Variants in AVL9 observed in about 807,000 individuals in gnomAD.
The protein encoded by AVL9 is late secretory pathway protein AVL9 homolog.
In AVL9, 49 loss-of-function variants were observed where a neutral mutation model predicts 79.2. That is an observed-to-expected ratio of 0.62 (90% CI 0.49 to 0.79). The LOEUF (loss-of-function observed/expected upper bound fraction) is 0.79, where lower values mean the gene tolerates loss of function less well. Ranked by LOEUF, AVL9 falls within the 30% of genes least tolerant of loss-of-function variation. AVL9 has a pLI of 0.00. For synonymous variants in AVL9, 299 were observed against 280.6 expected (o/e 1.07, Z -0.65); for missense variants, 682 against 776.8 (o/e 0.88, Z 1.45).
At chr7:32,573,448 CTGTTT>C in intron 12 of AVL9, 30 bp downstream of exon 12, 1 of 1,556,438 alleles carries the variant, frequency 6.4e-7, no homozygotes, top group Non-Finnish European at 8.8e-7. Flanking sequence ...CTACAGCTAC[CTGTTT>C]TATTATAATT....
At chr7:32,576,791 GA>G (rs901705269) in intron 13 of AVL9, among the ~76,000 whole-genome samples, 5 of 148,492 alleles carry the variant, frequency 3.4e-5, no homozygotes, top group African/African-American at 7.4e-5. Flanking sequence ...TGTCTCAAAA[GA>G]AAAAAAAAAG....
chr7:32,569,812 A>G (rs1790745817), intron 10 of AVL9, among the ~76,000 whole-genome samples: 2 of 152,216 alleles, frequency 1.3e-5, no homozygotes, highest in African/African-American at 4.8e-5. Flanking sequence ...CCATTCATGG[A>G]GACAATTAGC....
rs1050847201 is a variant in AVL9 at position 32,552,777 on chromosome 7, C to T, written c.529+482C>T. The stretch of plus-strand genomic sequence containing the variant: ...ACAAGGTGTCCCTATGGTGCCCAGG[C>T]TGGAATTTCTACCTTCTAGGATAGT... On this transcript the variant is annotated intron_variant, in intron 6 of 15. Transcript: ENST00000318709. Among the ~76,000 whole-genome samples, 3 of 152,048 alleles carry T rather than the reference C, an allele frequency of 2.0e-5. No homozygotes were observed. The South Asian group carries it at 6.2e-4, about 32-fold the overall frequency.
At position 32,586,227 on chromosome 7, in the gene AVL9, CA is replaced by C. The variant is rs1791769495; in HGVS notation, c.*2321del. ...ACACTTTGATCGGACTTTCTATTAA[CA>C]TTTCTAGCTAAGAGTTTGACTCTTA... On this transcript the variant is annotated 3_prime_UTR_variant, in exon 16 of 16. Transcript: ENST00000318709. 6.6e-6 allele frequency: 1 copy of C among 152,172 alleles called. No individual in the cohort carries two copies. The highest frequency in any genetic ancestry group is 2.4e-5 in the African/African-American group (1 of 41,448). 9.4% of individuals were successfully genotyped at this position (152,172 alleles called of 1,614,324 possible).
rs560070866 is a variant in AVL9 at position 32,586,902 on chromosome 7, A to C, written c.*2995A>C. Reference sequence around the variant, plus strand: ...TGGAATAGAAATAGTTGCATGTCCAAAGAAGGCTTAGAATGATTGTGCATA... The same window carrying C: ...TGGAATAGAAATAGTTGCATGTCCACAGAAGGCTTAGAATGATTGTGCATA... On this transcript the variant is annotated 3_prime_UTR_variant, in exon 16 of 16. Coordinates refer to ENST00000318709, the MANE Select transcript of AVL9 (RefSeq NM_015060.3). 6.6e-5 allele frequency: 10 copies of C among 152,388 alleles called. No homozygotes were observed. In the South Asian group the frequency reaches 1.9e-3, roughly 28 times the overall value. The allele number at this position is 152,388 out of a possible 1,614,324, so 9.4% of individuals were successfully genotyped here. A position where few individuals can be genotyped will look rare whatever the true frequency, so the allele number is the denominator to read the frequency against.
chr7:32,517,579 C>G (rs1262593386), intron 1 of AVL9, among the ~76,000 whole-genome samples: 1 of 152,098 alleles, frequency 6.6e-6, no homozygotes, highest in African/African-American at 2.4e-5. Context: ...GCTGGGATTA[C>G]AGGCATTAGC....
intron 1 of AVL9, among the ~76,000 whole-genome samples, chr7:32,523,955 G>A (rs997499062): frequency 6.6e-6 from 1 of 151,550 alleles, no homozygotes. Flanking sequence ...GGATGGTCTC[G>A]ATCTCCTGAC....
At chr7:32,541,152 C>T (rs1004365413) in intron 1 of AVL9, among the ~76,000 whole-genome samples, 1 of 151,888 alleles carries the variant, frequency 6.6e-6, no homozygotes, top group Non-Finnish European at 1.5e-5. Flanking sequence ...CCGCCCGCCT[C>T]GGCCTCCCAA....
chr7:32,497,902 C>A (rs866143044), intron 1 of AVL9, among the ~76,000 whole-genome samples: 2 of 152,142 alleles, frequency 1.3e-5, no homozygotes, highest in Non-Finnish European at 2.9e-5. Context: ...CCGCCCGCCT[C>A]GGCCTCCCAA....
chr7:32,517,099 A>G (rs1378598745), intron 1 of AVL9, among the ~76,000 whole-genome samples: 9 of 152,278 alleles, frequency 5.9e-5, no homozygotes, highest in African/African-American at 1.9e-4. Flanking sequence ...ATGAGTTTGT[A>G]TTAATATCTC....
intron 11 of AVL9, among the ~76,000 whole-genome samples, chr7:32,571,395 G>A (rs1790837641): frequency 6.6e-6 from 1 of 151,984 alleles, no homozygotes; most frequent in African/African-American, 2.4e-5. Context: ...GGGCATGGTG[G>A]CAGGTGCCTG....
At chr7:32,521,991 G>A (rs1360351262) in intron 1 of AVL9, among the ~76,000 whole-genome samples, 1 of 152,228 alleles carries the variant, frequency 6.6e-6, no homozygotes, top group Non-Finnish European at 1.5e-5. Context: ...GCCTGCAGGT[G>A]CACAGAAGTC....
At chr7:32,513,779 GTATT>G (rs1384651998) in intron 1 of AVL9, among the ~76,000 whole-genome samples, 1 of 152,228 alleles carries the variant, frequency 6.6e-6, no homozygotes, top group Non-Finnish European at 1.5e-5. Context: ...AGTTCCCTCA[GTATT>G]TATTGATCAC....
At chr7:32,525,317 G>A (rs1385371380) in intron 1 of AVL9, among the ~76,000 whole-genome samples, 1 of 152,072 alleles carries the variant, frequency 6.6e-6, no homozygotes, top group Non-Finnish European at 1.5e-5. Flanking sequence ...CAAAACAGTT[G>A]GAGACACTGG....
At chr7:32,577,359 T>C (rs1791150050) in intron 13 of AVL9, among the ~76,000 whole-genome samples, 1 of 152,212 alleles carries the variant, frequency 6.6e-6, no homozygotes, top group Admixed American at 6.5e-5. Context: ...TACTTGGCTA[T>C]AGCAGAAACC....
intron 10 of AVL9, among the ~76,000 whole-genome samples, chr7:32,567,604 G>T (rs555614689): frequency 1.3e-5 from 2 of 152,026 alleles, no homozygotes; most frequent in Non-Finnish European, 2.9e-5. Flanking sequence ...TCTTCTGGGG[G>T]TATTCTATGC....
chr7:32,536,500 T>C (rs1788915595), intron 1 of AVL9: 1 of 151,212 alleles, frequency 6.6e-6, no homozygotes, highest in African/African-American at 2.4e-5. Context: ...ACATACAATT[T>C]AAGATTTAAA....
intron 1 of AVL9, among the ~76,000 whole-genome samples, chr7:32,520,970 G>A (rs140724954): frequency 0.011 from 1,725 of 152,162 alleles, 35 homozygotes; most frequent in African/African-American, 0.038. Flanking sequence ...CACGAGATCT[G>A]ATGGGTTTAT....
At chr7:32,501,964 C>T (rs1252753773) in intron 1 of AVL9, among the ~76,000 whole-genome samples, 2 of 152,076 alleles carry the variant, frequency 1.3e-5, no homozygotes, top group Non-Finnish European at 2.9e-5. Flanking sequence ...ATTAAGAACT[C>T]AGGTTCTCCC....
Sources: gnomAD v4.1 joint callset for allele counts (sites outside exome capture counted in the v4.1 genomes callset) on GRCh38, gnomAD v4.1.1 for gene constraint, MANE v1.5 for transcripts, NCBI Gene and HGNC (gene_info 2026-07-23, HGNC 2026-07-21) for gene names.